SNAP91: variants seen among roughly 807,000 people sequenced by gnomAD.
SNAP91 encodes the protein clathrin coat assembly protein AP180.
In SNAP91, 27 loss-of-function variants were observed where a neutral mutation model predicts 100.3. That is an observed-to-expected ratio of 0.27 (90% CI 0.20 to 0.37). The LOEUF (loss-of-function observed/expected upper bound fraction) is 0.37. Among genes scored for constraint, SNAP91 ranks in the 10% least tolerant of loss-of-function variants. The pLI is 1.00. For missense variants in SNAP91, 986 were observed against 1,123.7 expected (o/e 0.88, Z 1.75); for synonymous variants, 404 against 398.6 (o/e 1.01, Z -0.16).
intron 11 of SNAP91, among the ~76,000 whole-genome samples, chr6:83,613,332 A>T (rs943064194): frequency 6.6e-6 from 1 of 152,188 alleles, no homozygotes; most frequent in African/African-American, 2.4e-5. Flanking sequence ...CATTTTCTGT[A>T]TTATTTGAAT....
At chr6:83,604,540 A>G (rs1583332425) in intron 14 of SNAP91, among the ~76,000 whole-genome samples, 1 of 152,174 alleles carries the variant, frequency 6.6e-6, no homozygotes, top group East Asian at 1.9e-4. Flanking sequence ...GATTACAGAT[A>G]GGACTTTTGA....
chr6:83,580,688 G>A (rs1826941756), intron 23 of SNAP91, 89 bp from the exon 24 acceptor site: 2 of 1,194,160 alleles, frequency 1.7e-6, no homozygotes, highest in South Asian at 1.8e-5. Context: ...TTGATACTAT[G>A]GAAACAAGTG....
At position 83,601,607 on chromosome 6, in the gene SNAP91, T is replaced by C. The variant is rs767640043; in HGVS notation, c.1142-8A>G. The C allele has an allele frequency of 1.9e-6, 3 of 1,613,386 alleles. No individual in the cohort carries two copies. The highest frequency in any genetic ancestry group is 2.5e-6 in the Non-Finnish European group (3 of 1,179,380). The stretch of plus-strand genomic sequence containing the variant: ...CACCCTCTCCCAAAAGGTCTACCGA[T>C]GTCCATTACATGGCAGCATAAGAAT... On this transcript the variant is annotated splice_polypyrimidine_tract_variant and splice_region_variant and intron_variant, in intron 14 of 29. Coordinates refer to ENST00000369694, the MANE Select transcript of SNAP91 (RefSeq NM_001242792.2).
chr6:83,654,972 A>G (rs1397217573), intron 7 of SNAP91, among the ~76,000 whole-genome samples: 1 of 152,146 alleles, frequency 6.6e-6, no homozygotes, highest in Non-Finnish European at 1.5e-5. Flanking sequence ...TTAAAGCCTC[A>G]CTGTCTTATT....
intron 24 of SNAP91, among the ~76,000 whole-genome samples, chr6:83,578,564 A>T (rs576507214): frequency 1.3e-5 from 2 of 152,274 alleles, no homozygotes; most frequent in Admixed American, 1.3e-4. Context: ...ATTATTTGCC[A>T]TTTTAAAAAT....
chr6:83,687,426 C>T (rs2099074871), intron 2 of SNAP91, among the ~76,000 whole-genome samples: 1 of 152,074 alleles, frequency 6.6e-6, no homozygotes. Flanking sequence ...CTAAACTATA[C>T]TTGTATCACG....
intron 22 of SNAP91, among the ~76,000 whole-genome samples, chr6:83,588,078 C>T (rs1017182757): frequency 6.6e-6 from 1 of 152,046 alleles, no homozygotes; most frequent in Non-Finnish European, 1.5e-5. Flanking sequence ...TCCTGCCCAT[C>T]TGGGCCTCCC....
intron 2 of SNAP91, among the ~76,000 whole-genome samples, chr6:83,699,386 TATAA>T (rs559234308): frequency 8.6e-4 from 131 of 151,538 alleles, no homozygotes; most frequent in African/African-American, 2.9e-3. Context: ...AAACAAAAAA[TATAA>T]ATAAATAAAG....
chr6:83,618,367 C>T (rs1307900076), intron 9 of SNAP91, among the ~76,000 whole-genome samples: 1 of 149,828 alleles, frequency 6.7e-6, no homozygotes, highest in Non-Finnish European at 1.5e-5. Context: ...AAGCTTTGAA[C>T]TATAGAGTTA....
At chr6:83,605,014 T>G (rs940379330) in intron 14 of SNAP91, among the ~76,000 whole-genome samples, 1 of 152,162 alleles carries the variant, frequency 6.6e-6, no homozygotes, top group Admixed American at 6.5e-5. Flanking sequence ...TCTTTGCAGC[T>G]TTGAGCATTA....
At chr6:83,679,052 C>T (rs1054994196) in intron 2 of SNAP91, 2 of 290,670 alleles carry the variant, frequency 6.9e-6, no homozygotes, top group South Asian at 3.4e-5. Context: ...ACCACACACA[C>T]ACACAAAATA....
In SNAP91 at chr6:83,677,431, C is replaced by T. The variant is rs540732955; in HGVS notation, c.131-11850G>A. 7.2e-5 allele frequency among the ~76,000 whole-genome samples: 11 copies of T among 152,254 alleles called. No individual in the cohort carries two copies. In the South Asian group the frequency reaches 2.1e-3, roughly 29 times the overall value. On this transcript the variant is annotated intron_variant, in intron 2 of 29. Coordinates refer to ENST00000369694, the MANE Select transcript of SNAP91 (RefSeq NM_001242792.2). ...AATGTAACACCATGAACTCACAGAG[C>T]TCCAAAGAGCCAGCAAAATTTCCAA...
chr6:83,649,891 T>C (rs2098123389), intron 7 of SNAP91, among the ~76,000 whole-genome samples: 1 of 152,138 alleles, frequency 6.6e-6, no homozygotes, highest in South Asian at 2.1e-4. Context: ...GCCCAGCCAA[T>C]TCATACCTTT....
At chr6:83,678,915 A>C in intron 2 of SNAP91, 1 of 1,107,940 alleles carries the variant, frequency 9.0e-7, no homozygotes, top group Non-Finnish European at 1.1e-6. Flanking sequence ...TGCAGGATTT[A>C]AGTAAAAAGA....
intron 8 of SNAP91, among the ~76,000 whole-genome samples, chr6:83,639,898 G>A (rs901726568): frequency 2.0e-5 from 3 of 151,860 alleles, no homozygotes; most frequent in Non-Finnish European, 4.4e-5. Flanking sequence ...TGATAATTAC[G>A]GTTAAACCAT....
intron 25 of SNAP91, 78 bp downstream of exon 25, chr6:83,575,945 A>G (rs1177621529): frequency 5.5e-6 from 4 of 733,548 alleles, no homozygotes; most frequent in East Asian, 3.1e-5. Flanking sequence ...AATTACTCCA[A>G]TGAGTAAAAT....
intron 2 of SNAP91, chr6:83,686,692 T>C (rs2099066109): frequency 6.6e-6 from 1 of 152,214 alleles, no homozygotes; most frequent in African/African-American, 2.4e-5. Flanking sequence ...ATTATATCCA[T>C]TTGGATTAAC....
chr6:83,680,624 G>A (rs188201484), intron 2 of SNAP91, among the ~76,000 whole-genome samples: 92 of 152,148 alleles, frequency 6.0e-4, no homozygotes, highest in African/African-American at 1.2e-3. Flanking sequence ...ACAAGTTTGC[G>A]GGTATTTTCT....
intron 11 of SNAP91, among the ~76,000 whole-genome samples, chr6:83,611,202 T>TA (rs2096042388): frequency 6.6e-6 from 1 of 151,738 alleles, no homozygotes; most frequent in African/African-American, 2.4e-5. Context: ...TGAAGTCTGT[T>TA]TTCCCCCCCC....
Sources: gnomAD v4.1 joint callset for allele counts (sites outside exome capture counted in the v4.1 genomes callset) on GRCh38, gnomAD v4.1.1 for gene constraint, MANE v1.5 for transcripts, NCBI Gene and HGNC (gene_info 2026-07-23, HGNC 2026-07-21) for gene names.